Variants in ABAT observed in about 807,000 individuals in gnomAD.
The protein encoded by ABAT is 4-aminobutyrate aminotransferase, mitochondrial.
Under a neutral mutation model 64.6 loss-of-function variants are expected in ABAT, and 45 were observed. That is an observed-to-expected ratio of 0.70 (90% CI 0.55 to 0.89). The LOEUF is 0.89. ABAT is among the 40% of genes least tolerant of loss of function. ABAT has a pLI of 0.00. For missense variants in ABAT, 633 were observed against 658.4 expected (o/e 0.96, Z 0.42); for synonymous variants, 297 against 250.5 (o/e 1.19, Z -1.75).
chr16:8,736,015 G>A, intron 2 of ABAT: 1 of 568,562 alleles, frequency 1.8e-6, no homozygotes, highest in South Asian at 2.0e-5. Context: ...AGGTTTAATG[G>A]TCTCACAGTT....
intron 1 of ABAT, among the ~76,000 whole-genome samples, chr16:8,688,185 C>T (rs1203148935): frequency 6.6e-6 from 1 of 152,102 alleles, no homozygotes; most frequent in Non-Finnish European, 1.5e-5. Context: ...GCCACCGCAC[C>T]CGGCCAAAAG....
At chr16:8,689,974 G>C (rs2057543269) in intron 1 of ABAT, among the ~76,000 whole-genome samples, 1 of 152,160 alleles carries the variant, frequency 6.6e-6, no homozygotes, top group Non-Finnish European at 1.5e-5. Context: ...ACAATAACAA[G>C]AGTCACCTTG....
chr16:8,733,600 C>T (rs1333229197), intron 1 of ABAT, among the ~76,000 whole-genome samples: 1 of 152,058 alleles, frequency 6.6e-6, no homozygotes, highest in Non-Finnish European at 1.5e-5. Context: ...GAGGCCGAGG[C>T]TGGCGGATCA....
chr16:8,703,872 G>A (rs1341614757), intron 1 of ABAT, among the ~76,000 whole-genome samples: 1 of 152,166 alleles, frequency 6.6e-6, no homozygotes, highest in Admixed American at 6.5e-5. Flanking sequence ...CCATTGTAGC[G>A]CAAAGCAGCC....
chr16:8,716,359 T>C (rs1194679175), intron 1 of ABAT, among the ~76,000 whole-genome samples: 2 of 152,158 alleles, frequency 1.3e-5, no homozygotes, highest in Non-Finnish European at 1.5e-5. Context: ...TATTATGATA[T>C]ATAAAGAACT....
chr16:8,695,376 C>T (rs1017806608), intron 1 of ABAT, among the ~76,000 whole-genome samples: 1 of 152,144 alleles, frequency 6.6e-6, no homozygotes, highest in African/African-American at 2.4e-5. Context: ...CTGCAGGATC[C>T]CAATGATTGT....
intron 1 of ABAT, among the ~76,000 whole-genome samples, chr16:8,688,525 C>A (rs149212886): frequency 6.6e-6 from 1 of 150,460 alleles, no homozygotes; most frequent in Non-Finnish European, 1.5e-5. Context: ...AATCATGGCA[C>A]GTGGTAAAAC....
chr16:8,735,612 T>C, intron 1 of ABAT, 87 bp from the exon 2 acceptor site: 2 of 1,055,852 alleles, frequency 1.9e-6, no homozygotes, highest in Non-Finnish European at 2.8e-6. Context: ...ACTTTCTCTA[T>C]TAGGTGGGAA....
At chr16:8,722,707 C>A in intron 1 of ABAT, 2 of 737,660 alleles carry the variant, frequency 2.7e-6, no homozygotes, top group South Asian at 1.6e-5. Context: ...TCATGGCGTG[C>A]CAGTGCTCTG....
At chr16:8,750,378 T>C in intron 4 of ABAT, 44 bp from the exon 5 acceptor site, 2 of 1,501,402 alleles carry the variant, frequency 1.3e-6, no homozygotes, top group Non-Finnish European at 1.9e-6. Flanking sequence ...CCCAAGAATC[T>C]AGGGAGTGGC....
At chr16:8,729,356 T>G (rs1289997500) in intron 1 of ABAT, among the ~76,000 whole-genome samples, 1 of 152,162 alleles carries the variant, frequency 6.6e-6, no homozygotes, top group Non-Finnish European at 1.5e-5. Context: ...TAACTGATGT[T>G]ACAATGCATA....
intron 15 of ABAT, chr16:8,780,875 C>A: frequency 2.4e-6 from 1 of 409,914 alleles, no homozygotes; most frequent in Non-Finnish European, 4.6e-6. Flanking sequence ...CGTAATAGCT[C>A]AGCACCTCAC....
intron 1 of ABAT, among the ~76,000 whole-genome samples, chr16:8,726,322 G>T (rs1379820475): frequency 7.4e-6 from 1 of 135,188 alleles, no homozygotes; most frequent in East Asian, 2.1e-4. Flanking sequence ...GTGCAGTGGC[G>T]CCATCTCGGC....
At chr16:8,773,158 A>ATATATTTTTTTTT (rs1158968222) in intron 12 of ABAT, among the ~76,000 whole-genome samples, 2 of 126,990 alleles carry the variant, frequency 1.6e-5, no homozygotes, top group African/African-American at 6.5e-5. Flanking sequence ...ATATATATAT[A>ATATATTTTTTTTT]TTTTTTTTTT....
intron 1 of ABAT, among the ~76,000 whole-genome samples, chr16:8,712,371 T>TAA (rs559993891): frequency 2.5e-3 from 387 of 152,360 alleles, no homozygotes; most frequent in Non-Finnish European, 4.2e-3. Context: ...CAGGATGTGA[T>TAA]AAAGCACATG....
intron 14 of ABAT, among the ~76,000 whole-genome samples, chr16:8,777,128 C>T (rs920650439): frequency 3.3e-5 from 5 of 151,248 alleles, no homozygotes; most frequent in South Asian, 2.1e-4. Context: ...CTCGAACCCC[C>T]GACCTCAGGT....
At chr16:8,739,184 C>A (rs1402392043) in intron 2 of ABAT, among the ~76,000 whole-genome samples, 1 of 152,116 alleles carries the variant, frequency 6.6e-6, no homozygotes, top group Non-Finnish European at 1.5e-5. Context: ...GGAGCTCTAG[C>A]CTGGTGGCGC....
chr16:8,730,476 C>G (rs530246832), intron 1 of ABAT, among the ~76,000 whole-genome samples: 4 of 152,312 alleles, frequency 2.6e-5, no homozygotes, highest in African/African-American at 9.6e-5. Context: ...GCACCTGAAC[C>G]TGTACTCTGA....
intron 1 of ABAT, among the ~76,000 whole-genome samples, chr16:8,694,893 C>A (rs2057667374): frequency 6.6e-6 from 1 of 152,218 alleles, no homozygotes; most frequent in Admixed American, 6.5e-5. Flanking sequence ...ATCCTAACAC[C>A]TGAGTTCCGG....
Sources: gnomAD v4.1 joint callset for allele counts (sites outside exome capture counted in the v4.1 genomes callset) on GRCh38, gnomAD v4.1.1 for gene constraint, MANE v1.5 for transcripts, NCBI Gene and HGNC (gene_info 2026-07-23, HGNC 2026-07-21) for gene names.